The following ZFP91 variants were observed in gnomAD, a reference collection of about 807,000 sequenced individuals.
ZFP91 encodes the protein E3 ubiquitin-protein ligase ZFP91.
ZFP91 carries 7 observed loss-of-function variants against 63.5 expected under a neutral mutation model. The observed-to-expected ratio is 0.11, with a 90% CI of 0.06 to 0.21. The LOEUF is 0.21. Among genes scored for constraint, ZFP91 ranks in the 10% least tolerant of loss-of-function variants. The probability of loss-of-function intolerance (pLI) is 1.00; values close to 1 mark genes in which losing one functional copy is unlikely to be tolerated. For missense variants in ZFP91, 628 were observed against 736.6 expected, an observed-to-expected ratio of 0.85 and a Z score of 1.71; for synonymous variants, 330 against 272.1, an observed-to-expected ratio of 1.21 and a Z score of -2.10.
rs559755148 is a variant in ZFP91 at position 58,617,103 on chromosome 11, T to C, written c.1203-93T>C. 1.8e-6 allele frequency: 2 copies of C among 1,139,288 alleles called. No homozygotes were observed. The highest frequency in any genetic ancestry group is 1.6e-5 in the African/African-American group (1 of 64,356). 70.6% of individuals were successfully genotyped at this position (1,139,288 alleles called of 1,614,324 possible). A position where few individuals can be genotyped will look rare whatever the true frequency, so the allele number is the denominator to read the frequency against. Reference sequence around the variant, plus strand: ...GTGTGTGTGTGTGTGTGTGTGTATGTATATATATGCTCTAAACTCTAACCC... The same window carrying C: ...GTGTGTGTGTGTGTGTGTGTGTATGCATATATATGCTCTAAACTCTAACCC... On this transcript the variant is annotated intron_variant, in intron 10 of 10. Transcript: ENST00000316059. The surrounding 1 kb of genome is among the most constrained non-coding windows in gnomAD (Gnocchi z 4.2).
chr11:58,604,757 T>C lies in ZFP91; in HGVS notation c.371-5073T>C, dbSNP rs528918973. On this transcript the variant is annotated intron_variant, in intron 2 of 10. Coordinates refer to ENST00000316059, the MANE Select transcript of ZFP91 (RefSeq NM_053023.5). Reference sequence around the variant, plus strand: ...TTCTTTTTTAAATTTTTTTATCTTATCAGCTATCATTAGTGTATTTTATGT... The same window carrying C: ...TTCTTTTTTAAATTTTTTTATCTTACCAGCTATCATTAGTGTATTTTATGT... 3.2e-3 allele frequency among the ~76,000 whole-genome samples: 488 copies of C among 152,344 alleles called. 2 individuals are homozygous for C. The highest frequency in any genetic ancestry group is 0.011 in the African/African-American group (470 of 41,578).
intron 1 of ZFP91, among the ~76,000 whole-genome samples, chr11:58,582,991 G>A (rs1025605903): frequency 6.6e-6 from 1 of 152,134 alleles, no homozygotes; most frequent in African/African-American, 2.4e-5. Flanking sequence ...CTAAGAGTAA[G>A]ACTGATCATT....
intron 8 of ZFP91, among the ~76,000 whole-genome samples, chr11:58,613,278 C>T (rs1029194696): frequency 6.6e-6 from 1 of 152,110 alleles, no homozygotes; most frequent in African/African-American, 2.4e-5. Flanking sequence ...CTGTGTCAGC[C>T]CATGGTGGAA....
At chr11:58,615,609 C>G (rs987390861) in intron 9 of ZFP91, among the ~76,000 whole-genome samples, 6 of 152,088 alleles carry the variant, frequency 3.9e-5, no homozygotes, top group African/African-American at 1.4e-4. Context: ...TGGACATGAC[C>G]TGGGAGATGC....
intron 7 of ZFP91, 26 bp from the exon 8 acceptor site, chr11:58,612,734 TAA>T: frequency 7.9e-6 from 12 of 1,517,224 alleles, no homozygotes; most frequent in Admixed American, 7.6e-5. Flanking sequence ...TTTTTTTTGC[TAA>T]CTTTTCTTCT....
rs1393401964 is a variant in ZFP91, at chr11:58,621,439, GA to G, written c.*3739del. ...AAGTACTGATTTTTATTTTAAAAAA[GA>G]AAAAACTATAATCCTTCTGCCTTCC... On this transcript the variant is annotated 3_prime_UTR_variant, in exon 11 of 11. Transcript: ENST00000316059. 6.6e-6 allele frequency among the ~76,000 whole-genome samples: 1 copy of G among 152,072 alleles called. No individual in the cohort carries two copies. The highest frequency in any genetic ancestry group is 2.4e-5 in the African/African-American group (1 of 41,410).
At chr11:58,596,922 T>C (rs1172503468) in intron 2 of ZFP91, among the ~76,000 whole-genome samples, 1 of 151,678 alleles carries the variant, frequency 6.6e-6, no homozygotes, top group Non-Finnish European at 1.5e-5. Context: ...TTCCATAGAA[T>C]ATCGTGTAAT....
At chr11:58,603,529 T>A (rs1455623569) in intron 2 of ZFP91, among the ~76,000 whole-genome samples, 1 of 152,218 alleles carries the variant, frequency 6.6e-6, no homozygotes, top group Non-Finnish European at 1.5e-5. Context: ...CATGAAAGAC[T>A]GACAAAGTTT....
chr11:58,620,284 C>T lies in ZFP91; in HGVS notation c.*2578C>T, dbSNP rs777023474. Reference sequence around the variant, plus strand: ...GTTGGTGTAATTAAACTATCTCAGCCGTTTCCCTGCTTTCCCTTCTGCTCC... The same window carrying T: ...GTTGGTGTAATTAAACTATCTCAGCTGTTTCCCTGCTTTCCCTTCTGCTCC... On this transcript the variant is annotated 3_prime_UTR_variant, in exon 11 of 11. Transcript: ENST00000316059. 2 of 152,280 alleles carry T rather than the reference C, an allele frequency of 1.3e-5. No individual in the cohort carries two copies. The highest frequency in any genetic ancestry group is 2.1e-4 in the South Asian group (1 of 4,824). The allele number at this position is 152,280 out of a possible 1,614,324, so 9.4% of individuals were successfully genotyped here. A position where few individuals can be genotyped will look rare whatever the true frequency, so the allele number is the denominator to read the frequency against.
chr11:58,617,165 G>C lies in ZFP91; in HGVS notation c.1203-31G>C, dbSNP rs768079780. 13 of 1,537,170 alleles carry C rather than the reference G, an allele frequency of 8.5e-6. No homozygotes were observed. The highest frequency in any genetic ancestry group is 1.1e-5 in the Non-Finnish European group (13 of 1,147,028). ...AAGAGCACTCTTTATTTCTCTGTTG[G>C]ATCAGCCATTTCCTTTTCTCCTCTC... On this transcript the variant is annotated intron_variant, in intron 10 of 10. Transcript: ENST00000316059. This position sits in a 1 kb window ranked among gnomAD's most constrained non-coding sequence, Gnocchi z 4.2.
At chr11:58,612,130 T>G in intron 6 of ZFP91, 148 bp from the exon 7 acceptor site, 1 of 765,206 alleles carries the variant, frequency 1.3e-6, no homozygotes, top group Non-Finnish European at 2.1e-6. Flanking sequence ...TTGCTTGATT[T>G]GCCAGATATA....
chr11:58,608,080 C>T (rs7484263), intron 2 of ZFP91, among the ~76,000 whole-genome samples: 28,545 of 149,040 alleles, frequency 0.19, 2,748 homozygotes, highest in African/African-American at 0.24. Context: ...TATATATATA[C>T]ACACACACAC....
chr11:58,584,817 C>T, intron 1 of ZFP91, 39 bp from the exon 2 acceptor site: 1 of 1,507,414 alleles, frequency 6.6e-7, no homozygotes, highest in Non-Finnish European at 8.9e-7. Context: ...AGAAAATGTG[C>T]TAGATTGTTC....
rs567853342 is a variant in ZFP91, at chr11:58,580,038, T to TC, written c.341+423dup. The stretch of plus-strand genomic sequence containing the variant: ...CCCGATCATAGCCTTCAAAAATGAT[T>TC]CCCCCCCGCCTTCGCGTTAGCTCAA... On this transcript the variant is annotated intron_variant, in intron 1 of 10. Coordinates refer to ENST00000316059, the MANE Select transcript of ZFP91 (RefSeq NM_053023.5). Among the ~76,000 whole-genome samples, 35 of 150,376 alleles carry TC rather than the reference T, an allele frequency of 2.3e-4. No individual in the cohort carries two copies. In the South Asian group the frequency reaches 5.3e-3, roughly 23 times the overall value.
chr11:58,580,858 C>G (rs1374846725), intron 1 of ZFP91, among the ~76,000 whole-genome samples: 1 of 152,204 alleles, frequency 6.6e-6, no homozygotes, highest in African/African-American at 2.4e-5. Context: ...TCTGTACTTA[C>G]AGATTCAGCT....
chr11:58,591,024 C>G (rs1213352569), intron 2 of ZFP91, among the ~76,000 whole-genome samples: 3 of 151,974 alleles, frequency 2.0e-5, no homozygotes, highest in Admixed American at 2.0e-4. Context: ...TGTTTCTCCT[C>G]CCCCTTCTTT....
intron 2 of ZFP91, among the ~76,000 whole-genome samples, chr11:58,607,013 T>A (rs1855579777): frequency 6.6e-6 from 1 of 152,158 alleles, no homozygotes. Context: ...TATGCCTTAT[T>A]CATAATGGTA....
chr11:58,593,835 C>G (rs1334176043), intron 2 of ZFP91, among the ~76,000 whole-genome samples: 1 of 152,194 alleles, frequency 6.6e-6, no homozygotes, highest in Non-Finnish European at 1.5e-5. Flanking sequence ...TTGTTCAAGT[C>G]AGAAATCTAG....
At chr11:58,581,469 T>G (rs1250157193) in intron 1 of ZFP91, among the ~76,000 whole-genome samples, 2 of 152,190 alleles carry the variant, frequency 1.3e-5, no homozygotes, top group East Asian at 3.9e-4. Flanking sequence ...CAAGCAATTC[T>G]CCTGCCTCGT....
Sources: allele counts gnomAD v4.1 joint callset (sites outside exome capture counted in the v4.1 genomes callset), GRCh38; gene constraint gnomAD v4.1.1; non-coding constraint Gnocchi (gnomAD v3.1); transcripts MANE v1.5; gene names NCBI Gene and HGNC (gene_info 2026-07-23, HGNC 2026-07-21).